Variants in NCR3LG1 observed in about 807,000 individuals in gnomAD.
NCR3LG1 encodes natural cytotoxicity triggering receptor 3 ligand 1.
In NCR3LG1, 35 loss-of-function variants were observed where a neutral mutation model predicts 34.8. That is an observed-to-expected ratio of 1.01 (90% CI 0.77 to 1.33). The LOEUF is 1.33. Among genes scored for constraint, NCR3LG1 ranks in the 40% most tolerant of loss-of-function variants. The pLI is 0.00. For synonymous variants in NCR3LG1, 173 were observed against 163.6 expected (o/e 1.06, Z -0.44); for missense variants, 452 against 423.3 (o/e 1.07, Z -0.60).
intron 2 of NCR3LG1, among the ~76,000 whole-genome samples, chr11:17,362,752 CTTTCTTTCTTTCT>C (rs1564856512): frequency 1.3e-4 from 14 of 105,486 alleles, no homozygotes; most frequent in South Asian, 5.4e-4. Context: ...TTCTTTCTTT[CTTTCTTTCTTTCT>C]TTCCTTCCTT....
rs1218365631 is a variant in NCR3LG1 at position 17,372,407 on chromosome 11, C to A, written c.1260C>A (p.Ala420=). The A allele has an allele frequency of 1.4e-6, 1 of 703,192 alleles. No homozygotes were observed. The highest frequency in any genetic ancestry group is 2.0e-5 in the Admixed American group (1 of 50,012). 43.6% of individuals were successfully genotyped at this position (703,192 alleles called of 1,614,324 possible). A position where few individuals can be genotyped will look rare whatever the true frequency, so the allele number is the denominator to read the frequency against. Residue 420 remains alanine (A), a synonymous_variant, in exon 5 of 5, where the codon GCC becomes GCA. Coordinates refer to ENST00000338965, the MANE Select transcript of NCR3LG1 (RefSeq NM_001202439.3). ...AACACTCGGATGCAGTTCCGGATGCCCCAATCCTTCCTGTCTCCCCTATCT... is the reference window on the plus strand; with the variant it reads ...AACACTCGGATGCAGTTCCGGATGCACCAATCCTTCCTGTCTCCCCTATCT... ...PREHSDAVPD[A]PILPVSPIWE...
chr11:17,357,175 A>G (rs1953220116), intron 2 of NCR3LG1, among the ~76,000 whole-genome samples, 174 bp downstream of exon 2: 1 of 152,210 alleles, frequency 6.6e-6, no homozygotes, highest in South Asian at 2.1e-4. Context: ...AATACCATTG[A>G]CTGGATGCCT....
rs1209727662 is a variant in NCR3LG1, at chr11:17,376,692, C to T, written c.*4180C>T. 2 of 152,074 alleles carry T rather than the reference C, an allele frequency of 1.3e-5. No homozygotes were observed. Among genetic ancestry groups the T allele is most frequent in the Non-Finnish European group, 2.9e-5 (2 of 68,032 alleles). 9.4% of individuals were successfully genotyped at this position (152,074 alleles called of 1,614,324 possible). On this transcript the variant is annotated 3_prime_UTR_variant, in exon 5 of 5. Coordinates refer to ENST00000338965, the MANE Select transcript of NCR3LG1 (RefSeq NM_001202439.3). The stretch of plus-strand genomic sequence containing the variant: ...TCCCTGGTGCCAGAAAACACTTTCC[C>T]CAAAGATAAGCCTCACACCCTCAGG...
intron 3 of NCR3LG1, 128 bp downstream of exon 3, chr11:17,367,475 A>T (rs1388462603): frequency 1.2e-6 from 1 of 811,828 alleles, no homozygotes; most frequent in Non-Finnish European, 1.9e-6. Context: ...GACTGGAAGG[A>T]CCAAGCTGGA....
intron 4 of NCR3LG1, among the ~76,000 whole-genome samples, chr11:17,370,741 C>T (rs954655044): frequency 6.6e-6 from 1 of 152,120 alleles, no homozygotes. Flanking sequence ...TAACTCCAGC[C>T]CCCGACAGCC....
In NCR3LG1 at chr11:17,367,237, C is replaced by T. The variant is rs1215656854; in HGVS notation, c.650C>T (p.Ser217Phe). The change falls in exon 3 of 5, where the codon TCC (serine) becomes TTC (phenylalanine). Residue 217 changes from serine to phenylalanine, a missense_variant. Physicochemically the swap from Ser to Phe is radical, Grantham distance 155. Coordinates refer to ENST00000338965, the MANE Select transcript of NCR3LG1 (RefSeq NM_001202439.3). ...FNVTSCLKLN[S>F]SQEDPGTVYQ... Reference sequence around the variant, plus strand: ...GTCACTAGCTGCTTGAAGCTGAACTCCTCTCAGGAAGACCCTGGGACTGTC... The same window carrying T: ...GTCACTAGCTGCTTGAAGCTGAACTTCTCTCAGGAAGACCCTGGGACTGTC... 5.2e-6 allele frequency: 8 copies of T among 1,536,224 alleles called. No homozygotes were observed. Among genetic ancestry groups the T allele is most frequent in the Non-Finnish European group, 7.0e-6 (8 of 1,146,966 alleles).
At chr11:17,354,576 T>G (rs144125225) in intron 1 of NCR3LG1, among the ~76,000 whole-genome samples, 1 of 127,208 alleles carries the variant, frequency 7.9e-6, no homozygotes. Context: ...TTTTTTTTGG[T>G]AGTCACTTTT....
Position 17,375,216 on chromosome 11 carries a change from G to A in NCR3LG1, c.*2704G>A, listed in dbSNP as rs561601786. 1 of 152,330 alleles carries A rather than the reference G, an allele frequency of 6.6e-6. No homozygotes were observed. The highest frequency in any genetic ancestry group is 1.9e-4 in the East Asian group (1 of 5,192). 9.4% of individuals were successfully genotyped at this position (152,330 alleles called of 1,614,324 possible). On this transcript the variant is annotated 3_prime_UTR_variant, in exon 5 of 5. Coordinates refer to ENST00000338965, the MANE Select transcript of NCR3LG1 (RefSeq NM_001202439.3). ...GAATCTGCAGTCCAGTTAAAAACCT[G>A]ACCTTGCCTGATCCCAGACACTTTC...
Position 17,362,696 on chromosome 11 carries a change from CTTTCTTTCTTTCTTTCTTT to C in NCR3LG1, c.422-4312_422-4294del, listed in dbSNP as rs1591681703. Reference sequence around the variant, plus strand: ...GTCTCCTTCCTTCCTTCCTTCCTTTCTTTCTTTCTTTCTTTCTTTCTTTCTTTCTTTCTTTCTTTCTTTC... The same window carrying C: ...GTCTCCTTCCTTCCTTCCTTCCTTTCCTTTCTTTCTTTCTTTCTTTCTTTC... On this transcript the variant is annotated intron_variant, in intron 2 of 4. Transcript: ENST00000338965. 7.4e-3 allele frequency among the ~76,000 whole-genome samples: 45 copies of C among 6,048 alleles called. 5 individuals are homozygous for C. The highest frequency in any genetic ancestry group is 9.1e-3 in the Non-Finnish European group (35 of 3,860). The allele number at this position is 6,048 out of a possible 152,430, so 4.0% of individuals were successfully genotyped here. A position where few individuals can be genotyped will look rare whatever the true frequency, so the allele number is the denominator to read the frequency against.
Position 17,367,167 on chromosome 11 carries a change from G to A in NCR3LG1, c.580G>A (p.Val194Ile). The A allele has an allele frequency of 1.3e-6, 2 of 1,536,598 alleles. No individual in the cohort carries two copies. Among genetic ancestry groups the A allele is most frequent in the Non-Finnish European group, 1.7e-6 (2 of 1,147,028 alleles). Residue 194 changes from valine to isoleucine, a missense_variant, in exon 3 of 5, where the codon GTC (valine) becomes ATC (isoleucine). Physicochemically the swap from Val to Ile is conservative, Grantham distance 29 (BLOSUM62 3). Transcript: ENST00000338965. ...CCATCCCATAGAGATTTCTGAGGAT[G>A]TCATCACTGGTCCCACCATCAAGAA... is the stretch of plus-strand genomic sequence containing the variant. ...FPHPIEISED[V>I]ITGPTIKNMD...
At chr11:17,370,212 T>C (rs929988567) in intron 4 of NCR3LG1, among the ~76,000 whole-genome samples, 3 of 152,214 alleles carry the variant, frequency 2.0e-5, no homozygotes, top group African/African-American at 7.2e-5. Context: ...GGGCCCCCTC[T>C]CTGCAGTGGA....
rs752736066 is a variant in NCR3LG1 at position 17,367,322 on chromosome 11, G to C, written c.735G>C (p.Leu245=). Reference sequence around the variant, plus strand: ...CCCCCTTGAGGAGCAACTTTACCCTGACTGCTGCTCGGCACAGTCTTTCTG... The same window carrying C: ...CCCCCTTGAGGAGCAACTTTACCCTCACTGCTGCTCGGCACAGTCTTTCTG... ...LHTPLRSNFT[L]TAARHSLSET... is the part of the protein sequence containing the mutation. Residue 245 remains leucine (L), a synonymous_variant, in exon 3 of 5, where the codon CTG becomes CTC. Transcript: ENST00000338965. The C allele has an allele frequency of 2.0e-6, 3 of 1,534,942 alleles. No homozygotes were observed. The highest frequency in any genetic ancestry group is 2.6e-6 in the Non-Finnish European group (3 of 1,146,068).
intron 4 of NCR3LG1, among the ~76,000 whole-genome samples, chr11:17,370,546 C>A (rs144487644): frequency 6.6e-6 from 1 of 152,298 alleles, no homozygotes; most frequent in African/African-American, 2.4e-5. Flanking sequence ...ACTTAAGATA[C>A]AGGCTTGCTG....
intron 1 of NCR3LG1, among the ~76,000 whole-genome samples, chr11:17,354,836 A>G (rs1056534295): frequency 6.6e-6 from 1 of 152,020 alleles, no homozygotes; most frequent in African/African-American, 2.4e-5. Flanking sequence ...AGGTTTTTGG[A>G]TACATTTTTG....
downstream of NCR3LG1, among the ~76,000 whole-genome samples, chr11:17,377,670 C>T (rs951466021): frequency 5.9e-5 from 9 of 152,236 alleles, no homozygotes; most frequent in African/African-American, 2.2e-4. Flanking sequence ...CTGTGTCTCT[C>T]ACAAGCTACA....
Position 17,375,627 on chromosome 11 carries a change from C to T in NCR3LG1, c.*3115C>T, listed in dbSNP as rs979259371. 6.6e-6 allele frequency: 1 copy of T among 152,214 alleles called. No homozygotes were observed. The highest frequency in any genetic ancestry group is 2.4e-5 in the African/African-American group (1 of 41,448). 9.4% of individuals were successfully genotyped at this position (152,214 alleles called of 1,614,324 possible). ...CCGCTAATGGGTCTTGCATTAAATA[C>T]CATCAAGACATCAACAGGCTATTAT... On this transcript the variant is annotated 3_prime_UTR_variant, in exon 5 of 5. Coordinates refer to ENST00000338965, the MANE Select transcript of NCR3LG1 (RefSeq NM_001202439.3).
chr11:17,353,567 G>A (rs1057483670), intron 1 of NCR3LG1, among the ~76,000 whole-genome samples: 1 of 152,150 alleles, frequency 6.6e-6, no homozygotes, highest in Non-Finnish European at 1.5e-5. Context: ...CGGGCCCGGC[G>A]CCCCCTCCTC....
At position 17,363,615 on chromosome 11, in the gene NCR3LG1, G is replaced by A. The variant is rs1268945161; in HGVS notation, c.422-3394G>A. ...TTTCTTTCTTTCTTCTTTTGAGATG[G>A]GGTCCCACTCTGTTTCCCAGGTTGG... On this transcript the variant is annotated intron_variant, in intron 2 of 4. Transcript: ENST00000338965. Among the ~76,000 whole-genome samples the A allele has an allele frequency of 2.0e-5, 3 of 146,632 alleles. No homozygotes were observed. In the East Asian group the frequency reaches 6.3e-4, roughly 31 times the overall value.
At chr11:17,369,634 T>C (rs1953385663) in intron 4 of NCR3LG1, among the ~76,000 whole-genome samples, 3 of 152,250 alleles carry the variant, frequency 2.0e-5, no homozygotes, top group African/African-American at 4.8e-5. Context: ...CATCTCATTA[T>C]AAATAATTTA....
Sources: gnomAD v4.1 joint callset for allele counts (sites outside exome capture counted in the v4.1 genomes callset) on GRCh38, gnomAD v4.1.1 for gene constraint, MANE v1.5 for transcripts, NCBI Gene and HGNC (gene_info 2026-07-23, HGNC 2026-07-21) for gene names.